Variants in SMG1 observed in about 807,000 individuals in gnomAD.
SMG1 encodes SMG1 nonsense mediated mRNA decay associated PI3K related kinase.
SMG1 carries 22 observed loss-of-function variants against 419.9 expected under a neutral mutation model. The ratio of observed to expected loss-of-function variants is 0.05; its 90% CI spans 0.04 to 0.07. SMG1 has a LOEUF of 0.07. Among genes scored for constraint, SMG1 ranks in the 10% least tolerant of loss-of-function variants. The pLI, the probability that SMG1 is intolerant of heterozygous loss-of-function variation, is 1.00. For synonymous variants in SMG1, 1,538 were observed against 1,553.5 expected, an observed-to-expected ratio of 0.99 and a Z score of 0.23; for missense variants, 3,185 against 4,342.0, an observed-to-expected ratio of 0.73 and a Z score of 7.49.
rs888005788 is a variant in SMG1 at position 18,921,035 on chromosome 16, G to A, written c.92+4915C>T. Among the ~76,000 whole-genome samples the A allele has an allele frequency of 6.6e-5, 10 of 151,920 alleles. No homozygotes were observed. In the South Asian group the frequency reaches 8.3e-4, roughly 13 times the overall value. Reference sequence around the variant, plus strand: ...TACCTGTATTCCCAGCTACTTGGGAGGCTGAGACAGGAGAATCACTTGAAC... The same window carrying A: ...TACCTGTATTCCCAGCTACTTGGGAAGCTGAGACAGGAGAATCACTTGAAC... On this transcript the variant is annotated intron_variant, in intron 1 of 62. Coordinates refer to ENST00000446231, the MANE Select transcript of SMG1 (RefSeq NM_015092.5).
At chr16:18,876,944 T>C (rs893583606) in intron 12 of SMG1, among the ~76,000 whole-genome samples, 187 bp downstream of exon 12, 2 of 152,092 alleles carry the variant, frequency 1.3e-5, no homozygotes, top group Admixed American at 6.6e-5. Context: ...ATCTGGCACA[T>C]CATTCATGAA....
At chr16:18,820,560 T>C (rs76937745) in intron 55 of SMG1, among the ~76,000 whole-genome samples, 3,420 of 152,292 alleles carry the variant, frequency 0.022, 81 homozygotes, top group Admixed American at 0.03. Context: ...GAAAGTTTAA[T>C]GTAACAAAGT....
Position 18,925,513 on chromosome 16 carries a change from A to C in SMG1, c.92+437T>G, listed in dbSNP as rs186374158. 1,015 of 162,852 alleles carry C rather than the reference A, an allele frequency of 6.2e-3. 7 individuals are homozygous for C. Among genetic ancestry groups the C allele is most frequent in the Non-Finnish European group, 9.7e-3 (729 of 75,444 alleles). 10.1% of individuals were successfully genotyped at this position (162,852 alleles called of 1,614,324 possible). A position where few individuals can be genotyped will look rare whatever the true frequency, so the allele number is the denominator to read the frequency against. On this transcript the variant is annotated intron_variant, in intron 1 of 62. Coordinates refer to ENST00000446231, the MANE Select transcript of SMG1 (RefSeq NM_015092.5). ...ATATTAACACGTGGGGGTCACAGAA[A>C]GGAACAGAGGTTAGAAGAGCTCTCA...
intron 1 of SMG1, among the ~76,000 whole-genome samples, chr16:18,920,547 T>C (rs1333335665): frequency 6.7e-6 from 1 of 148,270 alleles, no homozygotes. Context: ...AAATAAAAAA[T>C]TAGCGTGCCA....
chr16:18,885,462 T>A, intron 7 of SMG1, 79 bp downstream of exon 7: 1 of 1,541,012 alleles, frequency 6.5e-7, no homozygotes. Context: ...GGCATTGTTT[T>A]CCATCTGTTT....
intron 41 of SMG1, among the ~76,000 whole-genome samples, 189 bp downstream of exon 41, chr16:18,841,376 C>T (rs180789419): frequency 1.5e-4 from 20 of 132,240 alleles, no homozygotes; most frequent in Admixed American, 1.7e-4. Flanking sequence ...CCAGCATGGG[C>T]GACAGAGCAA....
chr16:18,909,776 G>A (rs1192722719), intron 1 of SMG1, among the ~76,000 whole-genome samples: 3 of 152,084 alleles, frequency 2.0e-5, no homozygotes, highest in Non-Finnish European at 2.9e-5. Context: ...AACAGGAAAC[G>A]ATGCTCCCAC....
chr16:18,834,733 T>C (rs2033443925), intron 49 of SMG1, among the ~76,000 whole-genome samples, 159 bp downstream of exon 49: 1 of 152,046 alleles, frequency 6.6e-6, no homozygotes, highest in African/African-American at 2.4e-5. Context: ...GTGTCAAGAG[T>C]GAGACCCTGT....
At chr16:18,883,586 A>G (rs1320806136) in intron 9 of SMG1, among the ~76,000 whole-genome samples, 1 of 152,268 alleles carries the variant, frequency 6.6e-6, no homozygotes, top group Non-Finnish European at 1.5e-5. Context: ...TAGTCTCTCC[A>G]GTAATTCTCC....
rs772328114 is a variant in SMG1, at chr16:18,869,260, G to C, written c.2677C>G (p.Leu893Val). Residue 893 changes from leucine (L) to valine (V), a missense_variant, in exon 20 of 63, where the codon CTG (leucine) becomes GTG (valine). Physicochemically the swap from Leu to Val is conservative, Grantham distance 32 (BLOSUM62 1). Around this residue, in one of 27 missense-constraint regions of SMG1, gnomAD observed 48 missense variants for 48.8 expected, o/e 0.98. Coordinates refer to ENST00000446231, the MANE Select transcript of SMG1 (RefSeq NM_015092.5). ...ATTGTTGACTGGTCACGCTTATCCAGTCTCTGGCAGCTATAGAACAGTCTT... is the reference window on the plus strand; with the variant it reads ...ATTGTTGACTGGTCACGCTTATCCACTCTCTGGCAGCTATAGAACAGTCTT... ...LERLFYSCQR[L>V]DKRDQSTIPR... 3.4e-5 allele frequency: 54 copies of C among 1,611,460 alleles called. No individual in the cohort carries two copies. Among genetic ancestry groups the C allele is most frequent in the Non-Finnish European group, 4.5e-5 (53 of 1,179,592 alleles).
Position 18,892,312 on chromosome 16 carries a change from A to C in SMG1, c.455T>G (p.Leu152Arg). 1 of 1,550,038 alleles carries C rather than the reference A, an allele frequency of 6.5e-7. No homozygotes were observed. Among genetic ancestry groups the C allele is most frequent in the Non-Finnish European group, 8.7e-7 (1 of 1,146,720 alleles). ...SYSDESRLSN[L>R]LRRITREDDR... ...GTCTTCCCGGGTGATCCTCCGAAGA[A>C]GATTCGACAGTCGAGACTCATCAGA... Residue 152 changes from leucine to arginine, a missense_variant, in exon 4 of 63, where the codon CTT becomes CGT. Leu to Arg is a moderately radical substitution (Grantham distance 102, BLOSUM62 -2). Transcript: ENST00000446231.
In SMG1 at chr16:18,834,973, T is replaced by C; in HGVS notation, c.8249A>G (p.Lys2750Arg). Residue 2750 changes from lysine to arginine, a missense_variant, in exon 49 of 63, where the codon AAA becomes AGA. By Grantham distance (26) the Lys-to-Arg change is conservative (BLOSUM62 2). Transcript: ENST00000446231. ...DQLKEIERCI[K>R]VFLHENGEEG... ...TTCTCCATTCTCATGAAGGAAAACTTTAATGCAACGTTCAATTTCTTTCAA... is the reference window on the plus strand; with the variant it reads ...TTCTCCATTCTCATGAAGGAAAACTCTAATGCAACGTTCAATTTCTTTCAA... 6.2e-7 allele frequency: 1 copy of C among 1,614,040 alleles called. No individual in the cohort carries two copies. The highest frequency in any genetic ancestry group is 8.5e-7 in the Non-Finnish European group (1 of 1,179,892).
chr16:18,906,063 C>T (rs539553392), intron 1 of SMG1, among the ~76,000 whole-genome samples: 4 of 152,182 alleles, frequency 2.6e-5, no homozygotes, highest in African/African-American at 4.8e-5. Context: ...AAGCACCATA[C>T]TCCCAGGTCC....
intron 60 of SMG1, among the ~76,000 whole-genome samples, chr16:18,814,792 G>A (rs1450575489): frequency 6.6e-6 from 1 of 150,684 alleles, no homozygotes; most frequent in Non-Finnish European, 1.5e-5. Context: ...TGGCCCGACT[G>A]GTCTCAAACA....
At chr16:18,902,391 T>A (rs543219874) in intron 1 of SMG1, among the ~76,000 whole-genome samples, 1 of 152,166 alleles carries the variant, frequency 6.6e-6, no homozygotes, top group Non-Finnish European at 1.5e-5. Flanking sequence ...TGAGTCCTCC[T>A]GGCAAATCAT....
chr16:18,880,679 C>T (rs2036342866), intron 10 of SMG1, among the ~76,000 whole-genome samples: 1 of 140,086 alleles, frequency 7.1e-6, no homozygotes, highest in Non-Finnish European at 1.5e-5. Flanking sequence ...CGTGCCACTG[C>T]ACTCCAGCGT....
At chr16:18,920,493 C>A (rs1405916462) in intron 1 of SMG1, among the ~76,000 whole-genome samples, 1 of 151,534 alleles carries the variant, frequency 6.6e-6, no homozygotes, top group African/African-American at 2.4e-5. Context: ...AGTTTGACAC[C>A]AGCATGGGCA....
chr16:18,852,524 T>A, intron 31 of SMG1, 62 bp from the exon 32 acceptor site: 1 of 1,334,416 alleles, frequency 7.5e-7, no homozygotes, highest in Non-Finnish European at 9.8e-7. Context: ...CATTCATAAA[T>A]TCCTAACGAC....
At chr16:18,906,793 A>G (rs1401966709) in intron 1 of SMG1, among the ~76,000 whole-genome samples, 2 of 152,126 alleles carry the variant, frequency 1.3e-5, no homozygotes, top group African/African-American at 2.4e-5. Flanking sequence ...CTTAACACAC[A>G]CTGGTCCAAT....
Sources: gnomAD v4.1 joint callset for allele counts (sites outside exome capture counted in the v4.1 genomes callset) on GRCh38, gnomAD v4.1.1 for gene constraint, gnomAD v4.1.1 regional missense constraint, MANE v1.5 for transcripts, NCBI Gene and HGNC (gene_info 2026-07-23, HGNC 2026-07-21) for gene names.